The following MEIKIN variants were observed in gnomAD, a reference collection of about 807,000 sequenced individuals.
MEIKIN encodes meiosis-specific kinetochore protein.
chr5:131,886,130 A>G (rs1750790377), intron 8 of MEIKIN, among the ~76,000 whole-genome samples: 1 of 152,192 alleles, frequency 6.6e-6, no homozygotes, highest in African/African-American at 2.4e-5. Context: ...CAAAGAAAAA[A>G]GAATAAAAAA....
intron 11 of MEIKIN, among the ~76,000 whole-genome samples, chr5:131,833,119 C>T (rs1246228495): frequency 6.6e-6 from 1 of 152,118 alleles, no homozygotes; most frequent in African/African-American, 2.4e-5. Context: ...ACTTTTATGC[C>T]GTTTCTCTTT....
chr5:131,874,547 G>A (rs1429038045), intron 9 of MEIKIN, among the ~76,000 whole-genome samples: 8 of 152,166 alleles, frequency 5.3e-5, no homozygotes, highest in Non-Finnish European at 1.0e-4. Context: ...TGGATTCACA[G>A]CCGAATTCTA....
At chr5:131,941,822 T>C (rs954536478) in intron 4 of MEIKIN, among the ~76,000 whole-genome samples, 2 of 152,234 alleles carry the variant, frequency 1.3e-5, no homozygotes, top group African/African-American at 4.8e-5. Flanking sequence ...GACACTACCT[T>C]GTATCCAGTT....
intron 9 of MEIKIN, among the ~76,000 whole-genome samples, chr5:131,864,541 T>C (rs1487419834): frequency 6.6e-6 from 1 of 152,246 alleles, no homozygotes; most frequent in Non-Finnish European, 1.5e-5. Flanking sequence ...ACTTTGAATA[T>C]ATCATATCAT....
chr5:131,823,093 T>C (rs1486013918), intron 11 of MEIKIN, among the ~76,000 whole-genome samples: 1 of 152,126 alleles, frequency 6.6e-6, no homozygotes, highest in Non-Finnish European at 1.5e-5. Flanking sequence ...CGTTGTTTCT[T>C]TTTTTCTTGC....
intron 8 of MEIKIN, among the ~76,000 whole-genome samples, chr5:131,887,358 T>C (rs576372110): frequency 6.6e-6 from 1 of 152,214 alleles, no homozygotes; most frequent in African/African-American, 2.4e-5. Flanking sequence ...ATATACCCAG[T>C]AAGGGGACCA....
chr5:131,832,299 T>C (rs1035494034), intron 11 of MEIKIN, among the ~76,000 whole-genome samples: 3 of 152,204 alleles, frequency 2.0e-5, no homozygotes, highest in African/African-American at 7.2e-5. Flanking sequence ...GGTAGTCAAA[T>C]TTTAAAGTTC....
chr5:131,818,673 G>C (rs770830448), intron 12 of MEIKIN, 67 bp downstream of exon 12: 4 of 389,056 alleles, frequency 1.0e-5, no homozygotes, highest in South Asian at 2.8e-4. Context: ...GTGTACATAA[G>C]GCATTTTTAA....
At chr5:131,850,822 C>T (rs1475909579) in intron 11 of MEIKIN, among the ~76,000 whole-genome samples, 1 of 151,996 alleles carries the variant, frequency 6.6e-6, no homozygotes, top group African/African-American at 2.4e-5. Flanking sequence ...TGCCTGCAGT[C>T]CTAGCTATTC....
At chr5:131,893,110 T>C (rs1274368548) in intron 8 of MEIKIN, among the ~76,000 whole-genome samples, 1 of 152,128 alleles carries the variant, frequency 6.6e-6, no homozygotes, top group Non-Finnish European at 1.5e-5. Context: ...CCATGTGAGG[T>C]GTCAGGCTGT....
chr5:131,828,826 T>A (rs1042557025), intron 11 of MEIKIN, among the ~76,000 whole-genome samples: 1 of 152,214 alleles, frequency 6.6e-6, no homozygotes, highest in African/African-American at 2.4e-5. Flanking sequence ...AAAGTCTTCA[T>A]GCACTCAGAA....
chr5:131,904,981 G>T (rs970544897), intron 8 of MEIKIN, among the ~76,000 whole-genome samples: 14 of 152,116 alleles, frequency 9.2e-5, no homozygotes, highest in Non-Finnish European at 2.9e-5. Context: ...ACCAGGGCCT[G>T]TCGGGGGGTT....
chr5:131,891,427 ATAGT>A (rs1750914792), intron 8 of MEIKIN, among the ~76,000 whole-genome samples: 1 of 152,128 alleles, frequency 6.6e-6, no homozygotes, highest in Admixed American at 6.5e-5. Flanking sequence ...TATATTTAGG[ATAGT>A]TAGCTTTTCT....
At chr5:131,871,569 G>A (rs1166823058) in intron 9 of MEIKIN, among the ~76,000 whole-genome samples, 1 of 152,322 alleles carries the variant, frequency 6.6e-6, no homozygotes, top group East Asian at 1.9e-4. Context: ...CCACCTCTGG[G>A]GACAGGGCAC....
At chr5:131,911,258 A>AT (rs1213316477) in intron 8 of MEIKIN, among the ~76,000 whole-genome samples, 2 of 152,106 alleles carry the variant, frequency 1.3e-5, no homozygotes, top group Non-Finnish European at 2.9e-5. Context: ...ACATACAAAC[A>AT]TTTACAACCA....
At chr5:131,828,409 T>C (rs368463644) in intron 11 of MEIKIN, among the ~76,000 whole-genome samples, 6 of 152,160 alleles carry the variant, frequency 3.9e-5, no homozygotes, top group Non-Finnish European at 5.9e-5. Flanking sequence ...GCGATTTGCC[T>C]GCCTTTGACC....
chr5:131,854,073 A>G (rs1040250158), intron 10 of MEIKIN, among the ~76,000 whole-genome samples: 1 of 152,248 alleles, frequency 6.6e-6, no homozygotes, highest in South Asian at 2.1e-4. Context: ...CACAATTGTC[A>G]AAAGGCAGAA....
Position 131,853,514 on chromosome 5 carries a change from A to G in MEIKIN, c.855+1240T>C, listed in dbSNP as rs113701020. Among the ~76,000 whole-genome samples, 587 of 152,336 alleles carry G rather than the reference A, an allele frequency of 3.9e-3. 2 individuals are homozygous for G. Among genetic ancestry groups the G allele is most frequent in the African/African-American group, 0.013 (551 of 41,580 alleles). On this transcript the variant is annotated intron_variant, in intron 10 of 12. Transcript: ENST00000442687. ...AGAAAAGAAAAAGACAAATTTTACTATGACAAAATAAAAAACATTTGTGCA... is the reference window on the plus strand; with the variant it reads ...AGAAAAGAAAAAGACAAATTTTACTGTGACAAAATAAAAAACATTTGTGCA...
chr5:131,848,908 TA>T (rs898631118), intron 11 of MEIKIN, among the ~76,000 whole-genome samples: 57 of 151,964 alleles, frequency 3.8e-4, no homozygotes, highest in African/African-American at 1.4e-3. Context: ...TGGCGAGACT[TA>T]AAAAAAATCA....
Sources: allele counts gnomAD v4.1 joint callset (sites outside exome capture counted in the v4.1 genomes callset), GRCh38; gene constraint gnomAD v4.1.1; transcripts MANE v1.5; gene names NCBI Gene and HGNC (gene_info 2026-07-23, HGNC 2026-07-21).